The following NRG3 variants were observed in gnomAD, a reference collection of about 807,000 sequenced individuals.
The protein encoded by NRG3 is neuregulin 3.
A neutral mutation model predicts 66.9 loss-of-function variants in NRG3; 31 were observed. The observed-to-expected ratio is 0.46, with a 90% CI of 0.35 to 0.63. The LOEUF (loss-of-function observed/expected upper bound fraction) is 0.63, where lower values mean the gene tolerates loss of function less well. Among genes scored for constraint, NRG3 ranks in the 20% least tolerant of loss-of-function variants. The pLI, the probability that NRG3 is intolerant of heterozygous loss-of-function variation, is 0.00. For synonymous variants in NRG3, 393 were observed against 359.4 expected (o/e 1.09, Z -1.06); for missense variants, 910 against 878.9 (o/e 1.04, Z -0.45).
At chr10:82,007,211 C>CTTTTTTTTT (rs34146080) in intron 1 of NRG3, among the ~76,000 whole-genome samples, 1 of 130,552 alleles carries the variant, frequency 7.7e-6, no homozygotes, top group Non-Finnish European at 1.6e-5. Context: ...TTTTTCTTTT[C>CTTTTTTTTT]TTTTTTTTTT....
At chr10:82,321,302 G>C (rs796559772) in intron 1 of NRG3, among the ~76,000 whole-genome samples, 38 of 100,416 alleles carry the variant, frequency 3.8e-4, no homozygotes, top group African/African-American at 3.4e-3. Context: ...TGGCAGGGGT[G>C]GGGGTGGGGG....
intron 4 of NRG3, among the ~76,000 whole-genome samples, chr10:82,866,768 T>C (rs1257904403): frequency 6.6e-6 from 1 of 152,192 alleles, no homozygotes; most frequent in Non-Finnish European, 1.5e-5. Flanking sequence ...TATAGTCATA[T>C]GGCAGATTGG....
intron 1 of NRG3, among the ~76,000 whole-genome samples, chr10:82,350,303 A>G (rs974280786): frequency 6.6e-6 from 1 of 152,242 alleles, no homozygotes; most frequent in Non-Finnish European, 1.5e-5. Flanking sequence ...TGTTACAACC[A>G]TTATGATACT....
At chr10:82,962,632 A>C (rs890392871) in intron 6 of NRG3, among the ~76,000 whole-genome samples, 1 of 152,112 alleles carries the variant, frequency 6.6e-6, no homozygotes, top group South Asian at 2.1e-4. Context: ...TGAGGTCGGG[A>C]GTTCAAGACC....
At chr10:82,599,523 G>A (rs1160339865) in intron 2 of NRG3, among the ~76,000 whole-genome samples, 2 of 152,082 alleles carry the variant, frequency 1.3e-5, no homozygotes, top group Admixed American at 1.3e-4. Context: ...AGACTATAAA[G>A]AACTAATCAG....
At chr10:82,261,469 G>C (rs950489933) in intron 1 of NRG3, among the ~76,000 whole-genome samples, 2 of 152,090 alleles carry the variant, frequency 1.3e-5, no homozygotes, top group Admixed American at 1.3e-4. Context: ...GCCGAGACCA[G>C]CTGGGTCGTG....
At chr10:82,254,898 G>A (rs2134137028) in intron 1 of NRG3, among the ~76,000 whole-genome samples, 1 of 152,104 alleles carries the variant, frequency 6.6e-6, no homozygotes, top group South Asian at 2.1e-4. Context: ...AATATGCCAT[G>A]CAGAAGAATT....
In NRG3 at chr10:82,092,078, C is replaced by T. The variant is rs550233375; in HGVS notation, c.823+215915C>T. ...CATTTTTTTGGCACTTATTCCGTGC[C>T]AGGCTGTTACTAATGCTATAAGTGC... On this transcript the variant is annotated intron_variant, in intron 1 of 8. Coordinates refer to ENST00000372141, the MANE Select transcript of NRG3 (RefSeq NM_001010848.4). Among the ~76,000 whole-genome samples the T allele has an allele frequency of 1.6e-3, 249 of 152,188 alleles. 1 individual carries two copies. Among genetic ancestry groups the T allele is most frequent in the Middle Eastern group, 3.4e-3 (1 of 294 alleles).
chr10:82,866,721 A>G (rs1045786690), intron 4 of NRG3, among the ~76,000 whole-genome samples: 1 of 152,222 alleles, frequency 6.6e-6, no homozygotes, highest in Non-Finnish European at 1.5e-5. Context: ...AGTAGTCATC[A>G]TGAGAGCGCT....
At chr10:82,695,606 G>A (rs953332026) in intron 2 of NRG3, among the ~76,000 whole-genome samples, 4 of 152,020 alleles carry the variant, frequency 2.6e-5, no homozygotes, top group African/African-American at 9.7e-5. Context: ...TACTTCTGGG[G>A]AGAGGTGTTT....
At chr10:82,559,274 T>C (rs1000945925) in intron 2 of NRG3, among the ~76,000 whole-genome samples, 9 of 152,228 alleles carry the variant, frequency 5.9e-5, no homozygotes, top group African/African-American at 1.4e-4. Flanking sequence ...TGAATAAAGA[T>C]GTATTTAGGG....
At chr10:81,911,895 T>G (rs1845204895) in intron 1 of NRG3, among the ~76,000 whole-genome samples, 1 of 152,134 alleles carries the variant, frequency 6.6e-6, no homozygotes, top group African/African-American at 2.4e-5. Context: ...GAATGTTTTC[T>G]TACAAAAAAT....
chr10:82,597,449 C>T (rs2047352443), intron 2 of NRG3, among the ~76,000 whole-genome samples: 3 of 152,158 alleles, frequency 2.0e-5, no homozygotes, highest in Admixed American at 2.0e-4. Flanking sequence ...GTACCTTCAT[C>T]TATCAAATAT....
At chr10:81,937,349 C>T (rs117140900) in intron 1 of NRG3, among the ~76,000 whole-genome samples, 2,659 of 152,028 alleles carry the variant, frequency 0.017, 38 homozygotes, top group Middle Eastern at 0.037. Flanking sequence ...GAAGAACCTC[C>T]GTATGTTTCC....
intron 1 of NRG3, among the ~76,000 whole-genome samples, chr10:82,065,828 G>A (rs1197098881): frequency 1.3e-5 from 2 of 152,070 alleles, no homozygotes; most frequent in Non-Finnish European, 2.9e-5. Flanking sequence ...CCAATCCAAA[G>A]TCTCTGATTA....
intron 1 of NRG3, among the ~76,000 whole-genome samples, chr10:81,910,934 G>C (rs1209171039): frequency 6.6e-6 from 1 of 152,114 alleles, no homozygotes; most frequent in Non-Finnish European, 1.5e-5. Flanking sequence ...TGTGATTGCA[G>C]GTATGAGCCA....
intron 1 of NRG3, among the ~76,000 whole-genome samples, chr10:82,120,245 T>A (rs1261477267): frequency 2.0e-5 from 3 of 152,042 alleles, no homozygotes; most frequent in Non-Finnish European, 4.4e-5. Flanking sequence ...ACCCAGGTCC[T>A]CTCTAACTGT....
chr10:82,523,255 A>T (rs1239453001), intron 2 of NRG3, among the ~76,000 whole-genome samples: 1 of 151,880 alleles, frequency 6.6e-6, no homozygotes, highest in Admixed American at 6.6e-5. Flanking sequence ...ATATGCTTTT[A>T]TTTCTCTTGG....
intron 1 of NRG3, among the ~76,000 whole-genome samples, chr10:82,064,352 A>T (rs1182813660): frequency 6.6e-6 from 1 of 151,836 alleles, no homozygotes; most frequent in African/African-American, 2.4e-5. Context: ...TCATTTTCTT[A>T]TGAAATATCA....
Sources: gnomAD v4.1 joint callset for allele counts (sites outside exome capture counted in the v4.1 genomes callset) on GRCh38, gnomAD v4.1.1 for gene constraint, MANE v1.5 for transcripts, NCBI Gene and HGNC (gene_info 2026-07-23, HGNC 2026-07-21) for gene names.